Variants in DNAI4 observed in about 807,000 individuals in gnomAD.
DNAI4 encodes WD repeat domain 78.
DNAI4 carries 85 observed loss-of-function variants against 105.8 expected under a neutral mutation model. The observed-to-expected ratio is 0.80, with a 90% confidence interval of 0.67 to 0.96. The LOEUF (loss-of-function observed/expected upper bound fraction) is 0.96. Among genes scored for constraint, DNAI4 ranks in the 40% least tolerant of loss-of-function variants. DNAI4 has a pLI of 0.00. For synonymous variants in DNAI4, 352 were observed against 331.5 expected (o/e 1.06, Z -0.67); for missense variants, 1,014 against 1,005.6 (o/e 1.01, Z -0.11).
chr1:66,907,875 A>T (rs3008892), intron 1 of DNAI4, among the ~76,000 whole-genome samples: 126,904 of 152,096 alleles, frequency 0.83, 53,328 homozygotes, highest in African/African-American at 0.91. Context: ...TTCCAGCTTA[A>T]ATACCCTCTC....
At chr1:66,878,411 T>G (rs1482309194) in intron 4 of DNAI4, among the ~76,000 whole-genome samples, 2 of 152,154 alleles carry the variant, frequency 1.3e-5, no homozygotes, top group African/African-American at 4.8e-5. Flanking sequence ...CTTGTATCCA[T>G]GCACCAACTC....
In DNAI4 at chr1:66,891,273, T is replaced by G; in HGVS notation, c.531-7A>C. 2 of 1,595,116 alleles carry G rather than the reference T, an allele frequency of 1.3e-6. No homozygotes were observed. The highest frequency in any genetic ancestry group is 1.1e-5 in the South Asian group (1 of 90,304). ...ACTGCTTCCTAAAACTGACCTTTAA[T>G]AATGAATAACAAAATTACTCATTTA... On this transcript the variant is annotated splice_region_variant and splice_polypyrimidine_tract_variant and intron_variant, in intron 3 of 16. Transcript: ENST00000371026.
At chr1:66,862,125 A>C in intron 7 of DNAI4, 22 bp downstream of exon 7, 2 of 1,557,412 alleles carry the variant, frequency 1.3e-6, no homozygotes, top group Non-Finnish European at 1.7e-6. Flanking sequence ...ATTCAAAAAA[A>C]CTAAAATAAA....
chr1:66,913,271 T>A (rs1649796028), intron 1 of DNAI4, among the ~76,000 whole-genome samples: 1 of 152,158 alleles, frequency 6.6e-6, no homozygotes, highest in Non-Finnish European at 1.5e-5. Context: ...GATGATGTTG[T>A]TGGGGATTTT....
At chr1:66,874,620 T>C (rs1488797048) in intron 5 of DNAI4, among the ~76,000 whole-genome samples, 161 bp downstream of exon 5, 4 of 152,312 alleles carry the variant, frequency 2.6e-5, no homozygotes, top group South Asian at 4.1e-4. Context: ...ATGGCACTTA[T>C]ATAACTTTGT....
chr1:66,908,898 A>C (rs949788880), intron 1 of DNAI4, among the ~76,000 whole-genome samples: 2 of 152,238 alleles, frequency 1.3e-5, no homozygotes, highest in African/African-American at 4.8e-5. Context: ...AGAAAACTGA[A>C]GCAATCTGGT....
At chr1:66,833,477 G>T in intron 13 of DNAI4, 108 bp downstream of exon 13, 1 of 1,251,490 alleles carries the variant, frequency 8.0e-7, no homozygotes, top group Non-Finnish European at 1.1e-6. Flanking sequence ...AATATATTAG[G>T]CACAGTATTC....
At chr1:66,837,916 A>G in intron 9 of DNAI4, 120 bp from the exon 10 acceptor site, 1 of 986,540 alleles carries the variant, frequency 1.0e-6, no homozygotes, top group Middle Eastern at 2.9e-4. Flanking sequence ...TTCATCTGAG[A>G]GGAAAAAATG....
intron 1 of DNAI4, among the ~76,000 whole-genome samples, chr1:66,906,026 C>T (rs550366572): frequency 1.4e-5 from 2 of 144,008 alleles, no homozygotes; most frequent in South Asian, 2.2e-4. Flanking sequence ...TGGGTTCAAG[C>T]GATTCTTCTG....
chr1:66,842,584 C>G (rs1380263791), intron 8 of DNAI4, among the ~76,000 whole-genome samples: 1 of 151,860 alleles, frequency 6.6e-6, no homozygotes, highest in African/African-American at 2.4e-5. Context: ...GTAAGTAGAG[C>G]CAGGGTTTCA....
chr1:66,871,534 C>T (rs760711385), intron 5 of DNAI4, 25 bp from the exon 6 acceptor site: 46 of 1,544,028 alleles, frequency 3.0e-5, no homozygotes, highest in Non-Finnish European at 3.9e-5. Context: ...GTGTATCCAA[C>T]TCATTAATAA....
At chr1:66,880,580 A>T (rs939305348) in intron 4 of DNAI4, among the ~76,000 whole-genome samples, 2 of 152,182 alleles carry the variant, frequency 1.3e-5, no homozygotes, top group Non-Finnish European at 2.9e-5. Context: ...GATTTAGGGT[A>T]TCTGGCAGAA....
chr1:66,885,976 A>G (rs747952091), intron 4 of DNAI4, among the ~76,000 whole-genome samples: 1 of 152,122 alleles, frequency 6.6e-6, no homozygotes, highest in Admixed American at 6.6e-5. Flanking sequence ...TGGTATTCCA[A>G]TTGTGCATAT....
chr1:66,905,213 T>C lies in DNAI4; in HGVS notation c.333A>G (p.Ile111Met), dbSNP rs1287913527. 6.6e-7 allele frequency: 1 copy of C among 1,524,810 alleles called. No homozygotes were observed. Among genetic ancestry groups the C allele is most frequent in the Admixed American group, 1.8e-5 (1 of 54,966 alleles). 94.5% of individuals were successfully genotyped at this position (1,524,810 alleles called of 1,614,324 possible). A position where few individuals can be genotyped will look rare whatever the true frequency, so the allele number is the denominator to read the frequency against. Residue 111 changes from isoleucine (I) to methionine (M), a missense_variant, in exon 2 of 17, where the codon ATA (isoleucine) becomes ATG (methionine). Coordinates refer to ENST00000371026, the MANE Select transcript of DNAI4 (RefSeq NM_024763.5). ...LKTVEKPNPNIKTTQVFDING... is the reference protein window; with the variant it reads ...LKTVEKPNPNMKTTQVFDING... ...CTAAGAATATTACCTGTGTTGTCTT[T>C]ATATTGGGATTTGGTTTTTCTACAG...
rs958921047 is a variant in DNAI4 at position 66,918,789 on chromosome 1, A to G, written c.170+5873T>C. On this transcript the variant is annotated intron_variant, in intron 1 of 16. Transcript: ENST00000371026. Reference sequence around the variant, plus strand: ...ATTTTCTTCTAAAATGTTTTCTCCAAAAGATTTTTTTAAAAAGAAATGGGG... The same window carrying G: ...ATTTTCTTCTAAAATGTTTTCTCCAGAAGATTTTTTTAAAAAGAAATGGGG... 1.2e-4 allele frequency among the ~76,000 whole-genome samples: 19 copies of G among 152,302 alleles called. 1 individual carries two copies. The highest frequency in any genetic ancestry group is 9.2e-4 in the Admixed American group (14 of 15,294).
chr1:66,825,463 G>A (rs551799619), intron 15 of DNAI4, among the ~76,000 whole-genome samples: 70 of 151,878 alleles, frequency 4.6e-4, no homozygotes, highest in African/African-American at 1.7e-3. Flanking sequence ...TTACAGGCGT[G>A]AGCCACCGCG....
intron 16 of DNAI4, among the ~76,000 whole-genome samples, chr1:66,820,916 T>C (rs1332628316): frequency 6.6e-6 from 1 of 152,082 alleles, no homozygotes; most frequent in Non-Finnish European, 1.5e-5. Context: ...CCTGGCCACA[T>C]TTCCTTCTTG....
intron 2 of DNAI4, among the ~76,000 whole-genome samples, chr1:66,897,838 G>T (rs115652838): frequency 2.5e-3 from 374 of 152,316 alleles, no homozygotes; most frequent in Non-Finnish European, 4.4e-3. Context: ...GATGGCCTGG[G>T]AGTCTATGCA....
chr1:66,911,882 C>T (rs2100862581), intron 1 of DNAI4, among the ~76,000 whole-genome samples: 1 of 152,262 alleles, frequency 6.6e-6, no homozygotes, highest in East Asian at 1.9e-4. Flanking sequence ...CACTCTGTTG[C>T]CCAGGCTGGA....
Sources: allele counts gnomAD v4.1 joint callset (sites outside exome capture counted in the v4.1 genomes callset), GRCh38; gene constraint gnomAD v4.1.1; transcripts MANE v1.5; gene names NCBI Gene and HGNC (gene_info 2026-07-23, HGNC 2026-07-21).